Variants in ARL6IP6 observed in about 807,000 individuals in gnomAD.
ARL6IP6 encodes ADP-ribosylation factor-like protein 6-interacting protein 6.
ARL6IP6 carries 22 observed loss-of-function variants against 21.5 expected under a neutral mutation model. That is an observed-to-expected ratio of 1.02 (90% CI 0.73 to 1.46). The LOEUF (loss-of-function observed/expected upper bound fraction) is 1.46, where lower values mean the gene tolerates loss of function less well. Ranked by LOEUF, ARL6IP6 falls within the 40% of genes most tolerant of loss-of-function variation. ARL6IP6 has a pLI of 0.00. For synonymous variants in ARL6IP6, 164 were observed against 125.3 expected, an observed-to-expected ratio of 1.31 and a Z score of -2.06; for missense variants, 388 against 299.8, an observed-to-expected ratio of 1.29 and a Z score of -2.17.
Position 152,718,838 on chromosome 2 carries a change from G to A in ARL6IP6, c.214G>A (p.Val72Met). The change falls in exon 1 of 4, where the codon GTG becomes ATG. Residue 72 changes from valine (V) to methionine (M), a missense_variant. Coordinates refer to ENST00000326446, the MANE Select transcript of ARL6IP6 (RefSeq NM_152522.7). ...GAWSEPRKRS[V>M]LPPDGNGSPV... Reference sequence around the variant, plus strand: ...GTGGTCAGAGCCCAGAAAGCGCTCGGTGCTCCCGCCGGACGGGAACGGGTC... The same window carrying A: ...GTGGTCAGAGCCCAGAAAGCGCTCGATGCTCCCGCCGGACGGGAACGGGTC... 2 of 1,611,644 alleles carry A rather than the reference G, an allele frequency of 1.2e-6. No individual in the cohort carries two copies. Among genetic ancestry groups the A allele is most frequent in the Non-Finnish European group, 1.7e-6 (2 of 1,178,698 alleles).
In ARL6IP6 at chr2:152,762,072, AT is replaced by A. The variant is rs745405912; in HGVS notation, c.*2234del. Among the ~76,000 whole-genome samples, 15 of 152,166 alleles carry A rather than the reference AT, an allele frequency of 9.9e-5. No individual in the cohort carries two copies. Among genetic ancestry groups the A allele is most frequent in the Non-Finnish European group, 1.3e-4 (9 of 68,024 alleles). ...ATATAAATCATCTATATGCAGAATG[AT>A]TAGGCAAGGATAGTCACCTAACTCT... On this transcript the variant is annotated 3_prime_UTR_variant, in exon 4 of 4. Transcript: ENST00000326446.
chr2:152,755,255 G>C (rs1394979878), intron 3 of ARL6IP6, among the ~76,000 whole-genome samples: 1 of 152,162 alleles, frequency 6.6e-6, no homozygotes, highest in African/African-American at 2.4e-5. Context: ...TAGCGGTAGC[G>C]TCAATGCCAA....
In ARL6IP6 at chr2:152,718,654, G is replaced by C. The variant is rs1699399973; in HGVS notation, c.30G>C (p.Ser10=). 2 of 1,549,050 alleles carry C rather than the reference G, an allele frequency of 1.3e-6. No homozygotes were observed. The highest frequency in any genetic ancestry group is 3.5e-4 in the Middle Eastern group (2 of 5,704). Residue 10 remains serine, a synonymous_variant, in exon 1 of 4, where the codon TCG becomes TCC. Transcript: ENST00000326446. ...CGTTTGCTGAGAGCGGGTGGCGGTC[G>C]GCTCTGCGGCGCCGCGGTCCCGGCA... The part of the protein sequence containing the change: MSFAESGWR[S]ALRRRGPGTP...
At chr2:152,758,768 A>T (rs902950194) in intron 3 of ARL6IP6, among the ~76,000 whole-genome samples, 1 of 152,146 alleles carries the variant, frequency 6.6e-6, no homozygotes. Context: ...GACTGGAATC[A>T]CTATGAGGTG....
intron 3 of ARL6IP6, among the ~76,000 whole-genome samples, chr2:152,759,168 C>G (rs1701719053): frequency 6.6e-6 from 1 of 152,098 alleles, no homozygotes; most frequent in Non-Finnish European, 1.5e-5. Flanking sequence ...GTTGGCACTC[C>G]TAGCAATCAT....
chr2:152,729,243 G>A (rs1042282580), intron 2 of ARL6IP6, among the ~76,000 whole-genome samples: 1 of 151,820 alleles, frequency 6.6e-6, no homozygotes, highest in South Asian at 2.1e-4. Context: ...GGTGGCAGGC[G>A]CCTGTAATCC....
rs1239576923 is a variant in ARL6IP6 at position 152,718,851 on chromosome 2, AC to A, written c.228del (p.Asp76GlufsTer55). 6.2e-7 allele frequency: 1 copy of A among 1,612,564 alleles called. No individual in the cohort carries two copies. The highest frequency in any genetic ancestry group is 8.5e-7 in the Non-Finnish European group (1 of 1,179,262). On this transcript the variant is annotated frameshift_variant, in exon 1 of 4. Transcript: ENST00000326446. LOFTEE classifies it high-confidence loss of function. ...AGAAAGCGCTCGGTGCTCCCGCCGG[AC>A]GGGAACGGGTCGCCCGTTCTGCCCG... is the stretch of plus-strand genomic sequence containing the variant. ...EPRKRSVLPP[D>X]GNGSPVLPDK...
intron 3 of ARL6IP6, among the ~76,000 whole-genome samples, chr2:152,743,530 A>G (rs1032806814): frequency 1.3e-5 from 2 of 152,234 alleles, no homozygotes; most frequent in South Asian, 2.1e-4. Flanking sequence ...GTTAATTTGT[A>G]TAACCTAAGC....
intron 3 of ARL6IP6, among the ~76,000 whole-genome samples, chr2:152,752,903 T>C (rs1701404272): frequency 1.3e-5 from 2 of 152,136 alleles, no homozygotes; most frequent in Admixed American, 6.5e-5. Flanking sequence ...TCCCTTTGAT[T>C]GAACTTTAGG....
chr2:152,733,227 C>A (rs541881107), intron 2 of ARL6IP6, among the ~76,000 whole-genome samples: 1 of 152,108 alleles, frequency 6.6e-6, no homozygotes, highest in South Asian at 2.1e-4. Flanking sequence ...CTATTTGGGC[C>A]TTCTTCCGAA....
intron 3 of ARL6IP6, among the ~76,000 whole-genome samples, chr2:152,735,779 A>G (rs1199281629): frequency 6.6e-6 from 1 of 151,782 alleles, no homozygotes; most frequent in East Asian, 1.9e-4. Flanking sequence ...TGGGGAGGAC[A>G]TGAAGACAAG....
intron 2 of ARL6IP6, among the ~76,000 whole-genome samples, chr2:152,722,907 C>G (rs1390744995): frequency 6.6e-6 from 1 of 152,178 alleles, no homozygotes; most frequent in African/African-American, 2.4e-5. Context: ...GACTCCAACT[C>G]AAAACAAAAC....
chr2:152,756,761 T>C lies in ARL6IP6; in HGVS notation c.588-2986T>C, dbSNP rs190467508. On this transcript the variant is annotated intron_variant, in intron 3 of 3. Coordinates refer to ENST00000326446, the MANE Select transcript of ARL6IP6 (RefSeq NM_152522.7). The stretch of plus-strand genomic sequence containing the variant: ...GACCTACTAAAATGGTTAAAATTTA[T>C]AACACTGATAATACCAAGTGTTCAT... Among the ~76,000 whole-genome samples, 83 of 152,332 alleles carry C rather than the reference T, an allele frequency of 5.4e-4. 1 individual carries two copies. The highest frequency in any genetic ancestry group is 4.9e-3 in the Admixed American group (75 of 15,300).
At chr2:152,748,763 CAT>C (rs1353894829) in intron 3 of ARL6IP6, among the ~76,000 whole-genome samples, 2 of 152,190 alleles carry the variant, frequency 1.3e-5, no homozygotes, top group Non-Finnish European at 2.9e-5. Context: ...GCATCTCTGA[CAT>C]GTGGGAATAC....
intron 3 of ARL6IP6, among the ~76,000 whole-genome samples, chr2:152,742,362 GT>G (rs1700851698): frequency 6.6e-6 from 1 of 152,050 alleles, no homozygotes; most frequent in South Asian, 2.1e-4. Flanking sequence ...GAGCCTAGAA[GT>G]TTGAGACCAT....
rs367826987 is a variant in ARL6IP6 at position 152,720,523 on chromosome 2, G to A, written c.401-10G>A. 5 of 1,612,794 alleles carry A rather than the reference G, an allele frequency of 3.1e-6. No homozygotes were observed. Among genetic ancestry groups the A allele is most frequent in the Middle Eastern group, 1.7e-4 (1 of 6,060 alleles). On this transcript the variant is annotated splice_polypyrimidine_tract_variant and intron_variant, in intron 1 of 3. Transcript: ENST00000326446. ...TGCTTTCCTACCTAAGTCCCTCTTT[G>A]TATTTGCAGAGTTGCATGCTGAGAA...
chr2:152,741,510 A>C (rs1331007839), intron 3 of ARL6IP6, among the ~76,000 whole-genome samples: 1 of 152,144 alleles, frequency 6.6e-6, no homozygotes, highest in Non-Finnish European at 1.5e-5. Flanking sequence ...AGGAAGAAAA[A>C]AAGTAACATT....
At chr2:152,744,671 A>G (rs550774436) in intron 3 of ARL6IP6, among the ~76,000 whole-genome samples, 18 of 152,132 alleles carry the variant, frequency 1.2e-4, no homozygotes, top group African/African-American at 2.4e-4. Context: ...CATGCTATCA[A>G]TCTTTATTGT....
chr2:152,755,708 ATAAC>A (rs2105190012), intron 3 of ARL6IP6, among the ~76,000 whole-genome samples: 2 of 152,258 alleles, frequency 1.3e-5, no homozygotes, highest in South Asian at 4.1e-4. Flanking sequence ...TATCCAATAA[ATAAC>A]AGCGCAGCTA....
Sources: allele counts gnomAD v4.1 joint callset (sites outside exome capture counted in the v4.1 genomes callset), GRCh38; gene constraint gnomAD v4.1.1; transcripts MANE v1.5; gene names NCBI Gene and HGNC (gene_info 2026-07-23, HGNC 2026-07-21).